Variants in ZMIZ1 observed in about 807,000 individuals in gnomAD.
The protein encoded by ZMIZ1 is zinc finger MIZ-type containing 1.
Under a neutral mutation model 113.9 loss-of-function variants are expected in ZMIZ1, and 17 were observed. The observed-to-expected ratio is 0.15, with a 90% CI of 0.10 to 0.22. ZMIZ1 has a LOEUF of 0.22. Ranked by LOEUF, ZMIZ1 falls within the 10% of genes least tolerant of loss-of-function variation. The probability of loss-of-function intolerance (pLI) is 1.00; values close to 1 mark genes in which losing one functional copy is unlikely to be tolerated. For missense variants in ZMIZ1, 1,059 were observed against 1,477.8 expected (o/e 0.72, Z 4.65); for synonymous variants, 607 against 603.1 (o/e 1.01, Z -0.09).
intron 8 of ZMIZ1, among the ~76,000 whole-genome samples, chr10:79,287,014 G>T (rs987164175): frequency 3.3e-5 from 5 of 152,384 alleles, no homozygotes; most frequent in Admixed American, 1.3e-4. Flanking sequence ...CTTGGGTTTT[G>T]TTCAGATGTA....
intron 7 of ZMIZ1, among the ~76,000 whole-genome samples, chr10:79,269,562 G>T (rs543352973): frequency 3.0e-4 from 45 of 151,958 alleles, no homozygotes; most frequent in African/African-American, 1.0e-3. Context: ...TTCATTTTGC[G>T]TGTGGCTTCC....
At chr10:79,213,807 T>C (rs890864397) in intron 6 of ZMIZ1, among the ~76,000 whole-genome samples, 2 of 152,182 alleles carry the variant, frequency 1.3e-5, no homozygotes, top group African/African-American at 4.8e-5. Flanking sequence ...CTGACCAGCT[T>C]TGAGGTGTTG....
chr10:79,293,839 ACCT>A (rs1853688674), intron 12 of ZMIZ1, 186 bp downstream of exon 12: 2 of 867,676 alleles, frequency 2.3e-6, no homozygotes, highest in Non-Finnish European at 3.6e-6. Context: ...CAACTGAAAG[ACCT>A]CGAGCCAGTC....
At chr10:79,168,933 C>T (rs1846484523) in intron 4 of ZMIZ1, among the ~76,000 whole-genome samples, 1 of 152,198 alleles carries the variant, frequency 6.6e-6, no homozygotes, top group Non-Finnish European at 1.5e-5. Context: ...CCTTTGGAAG[C>T]TTTTTGCTCA....
intron 7 of ZMIZ1, among the ~76,000 whole-genome samples, chr10:79,272,550 A>C (rs962706299): frequency 1.1e-4 from 16 of 152,078 alleles, no homozygotes; most frequent in Admixed American, 1.0e-3. Flanking sequence ...GTTTGGACTC[A>C]GCAGTGGGGG....
intron 7 of ZMIZ1, among the ~76,000 whole-genome samples, chr10:79,248,002 A>C (rs747337940): frequency 6.6e-6 from 1 of 152,206 alleles, no homozygotes; most frequent in Non-Finnish European, 1.5e-5. Flanking sequence ...ACTCCACTCC[A>C]GGGCCTCAAT....
At position 79,299,040 on chromosome 10, in the gene ZMIZ1, C is replaced by T. The variant is rs1037435479; in HGVS notation, c.1667-10C>T. 5 of 1,601,796 alleles carry T rather than the reference C, an allele frequency of 3.1e-6. No individual in the cohort carries two copies. In the African/African-American group the frequency reaches 5.3e-5, roughly 17 times the overall value. Reference sequence around the variant, plus strand: ...GCTTGTGGCTCACCCACCTCCTCTCCTCGCCCCAGCCAACCACAATGACGA... The same window carrying T: ...GCTTGTGGCTCACCCACCTCCTCTCTTCGCCCCAGCCAACCACAATGACGA... On this transcript the variant is annotated splice_polypyrimidine_tract_variant and intron_variant, in intron 15 of 24. Transcript: ENST00000334512.
At chr10:79,297,492 A>G in intron 13 of ZMIZ1, 121 bp from the exon 14 acceptor site, 1 of 811,098 alleles carries the variant, frequency 1.2e-6, no homozygotes, top group Non-Finnish European at 2.1e-6. Flanking sequence ...CAATATACCC[A>G]GCAGTGGATG....
chr10:79,256,451 A>G (rs936152335), intron 7 of ZMIZ1, among the ~76,000 whole-genome samples: 6 of 152,226 alleles, frequency 3.9e-5, no homozygotes, highest in Admixed American at 1.3e-4. Context: ...CTGCAGCTGC[A>G]GTGTGTGCCC....
intron 1 of ZMIZ1, among the ~76,000 whole-genome samples, chr10:79,092,460 A>T (rs958468577): frequency 2.0e-5 from 3 of 152,216 alleles, no homozygotes; most frequent in Non-Finnish European, 2.9e-5. Context: ...TGATAACCTA[A>T]GCCTCGCTGC....
intron 7 of ZMIZ1, among the ~76,000 whole-genome samples, chr10:79,225,583 A>C (rs1849167804): frequency 6.6e-6 from 1 of 152,036 alleles, no homozygotes; most frequent in African/African-American, 2.4e-5. Context: ...TTTTTAATTA[A>C]AAAAAAGGGG....
intron 5 of ZMIZ1, among the ~76,000 whole-genome samples, chr10:79,205,688 C>T (rs1173428553): frequency 1.3e-5 from 2 of 152,080 alleles, no homozygotes; most frequent in East Asian, 1.9e-4. Context: ...GCAGCTGAGA[C>T]GGGGTTTGGA....
rs146348920 is a variant in ZMIZ1, at chr10:79,130,107, C to T, written c.-226-9575C>T. Among the ~76,000 whole-genome samples, 267 of 152,314 alleles carry T rather than the reference C, an allele frequency of 1.8e-3. 1 individual carries two copies. The highest frequency in any genetic ancestry group is 5.9e-3 in the African/African-American group (245 of 41,556). On this transcript the variant is annotated intron_variant, in intron 2 of 24. Transcript: ENST00000334512. Reference sequence around the variant, plus strand: ...CCACATCCAACAGTTGATTAGGCCCCCTTAACCATCTCTGGATCTGTGACC... The same window carrying T: ...CCACATCCAACAGTTGATTAGGCCCTCTTAACCATCTCTGGATCTGTGACC...
chr10:79,082,730 T>G (rs1410728384), intron 1 of ZMIZ1, among the ~76,000 whole-genome samples: 1 of 152,180 alleles, frequency 6.6e-6, no homozygotes, highest in African/African-American at 2.4e-5. Context: ...TGGGGGACAA[T>G]GGGCAGAGTA....
chr10:79,195,239 C>T (rs1033197330), intron 4 of ZMIZ1, among the ~76,000 whole-genome samples: 5 of 152,262 alleles, frequency 3.3e-5, no homozygotes, highest in Admixed American at 6.5e-5. Context: ...CAGCCCGATC[C>T]TGTGCTTTGC....
intron 1 of ZMIZ1, among the ~76,000 whole-genome samples, chr10:79,079,205 G>A (rs1842578383): frequency 6.6e-6 from 1 of 152,356 alleles, no homozygotes; most frequent in South Asian, 2.1e-4. Context: ...AGAGGGGTGG[G>A]GCCTCTGCCA....
chr10:79,298,337 T>A, intron 14 of ZMIZ1, 69 bp from the exon 15 acceptor site: 1 of 1,524,784 alleles, frequency 6.6e-7, no homozygotes. Context: ...GTGCGGTGTA[T>A]GTCCATAGCC....
chr10:79,208,968 T>C lies in ZMIZ1; in HGVS notation c.174+519T>C, dbSNP rs1398520965. On this transcript the variant is annotated intron_variant, in intron 6 of 24. Transcript: ENST00000334512. Reference sequence around the variant, plus strand: ...CAGGGAAACTGAAGATGAATAAGGCTTCACCGAGCCTGGTTTCCTCTGTAG... The same window carrying C: ...CAGGGAAACTGAAGATGAATAAGGCCTCACCGAGCCTGGTTTCCTCTGTAG... Among the ~76,000 whole-genome samples the C allele has an allele frequency of 2.0e-5, 3 of 152,254 alleles. No homozygotes were observed. The East Asian group carries it at 5.8e-4, about 29-fold the overall frequency.
At chr10:79,245,981 C>G (rs1850170039) in intron 7 of ZMIZ1, among the ~76,000 whole-genome samples, 1 of 152,182 alleles carries the variant, frequency 6.6e-6, no homozygotes, top group Non-Finnish European at 1.5e-5. Context: ...GACAGAGGTG[C>G]AGTGAGGACA....
Sources: allele counts gnomAD v4.1 joint callset (sites outside exome capture counted in the v4.1 genomes callset), GRCh38; gene constraint gnomAD v4.1.1; transcripts MANE v1.5; gene names NCBI Gene and HGNC (gene_info 2026-07-23, HGNC 2026-07-21).